ATP8B4: variants seen among roughly 807,000 people sequenced by gnomAD.
ATP8B4 encodes probable phospholipid-transporting ATPase IM.
In ATP8B4, 133 loss-of-function variants were observed where a neutral mutation model predicts 145.6. That is an observed-to-expected ratio of 0.91 (90% CI 0.79 to 1.05). ATP8B4 has a LOEUF of 1.05. ATP8B4 is among the 50% of genes least tolerant of loss of function. ATP8B4 has a pLI of 0.00. For synonymous variants in ATP8B4, 507 were observed against 492.9 expected (o/e 1.03, Z -0.38); for missense variants, 1,458 against 1,425.2 (o/e 1.02, Z -0.37).
In ATP8B4 at chr15:50,044,673, G is replaced by A; in HGVS notation, c.221C>T (p.Ser74Phe). The A allele has an allele frequency of 6.2e-7, 1 of 1,613,022 alleles. No homozygotes were observed. The highest frequency in any genetic ancestry group is 8.5e-7 in the Non-Finnish European group (1 of 1,179,310). Reference sequence around the variant, plus strand: ...CACAATGGTGGTAAACCAGGTCAAGGAGGAAATTTCTGGAATTAGCTGAAA... The same window carrying A: ...CACAATGGTGGTAAACCAGGTCAAGAAGGAAATTTCTGGAATTAGCTGAAA... ...LILQLIPEIS[S>F]LTWFTTIVPL... The change falls in exon 5 of 28, where the codon TCC becomes TTC. Residue 74 changes from serine to phenylalanine, a missense_variant. Ser to Phe is a radical substitution (Grantham distance 155). Transcript: ENST00000284509.
At chr15:49,955,456 A>G (rs1599406462) in intron 14 of ATP8B4, among the ~76,000 whole-genome samples, 1 of 152,366 alleles carries the variant, frequency 6.6e-6, no homozygotes, top group East Asian at 1.9e-4. Flanking sequence ...TGTAGTCACT[A>G]TAGAAAACAG....
chr15:50,082,917 A>G (rs2054646415), intron 2 of ATP8B4, among the ~76,000 whole-genome samples: 1 of 152,232 alleles, frequency 6.6e-6, no homozygotes, highest in Non-Finnish European at 1.5e-5. Flanking sequence ...CGGTAAAGTC[A>G]GAATGCAAAC....
At chr15:50,174,861 A>T (rs925376077) in intron 1 of ATP8B4, among the ~76,000 whole-genome samples, 1 of 152,158 alleles carries the variant, frequency 6.6e-6, no homozygotes, top group Non-Finnish European at 1.5e-5. Context: ...AAAAGAACAA[A>T]TCTGGAGGCA....
At chr15:49,954,104 G>A (rs2043342250) in intron 14 of ATP8B4, among the ~76,000 whole-genome samples, 1 of 152,120 alleles carries the variant, frequency 6.6e-6, no homozygotes, top group Admixed American at 6.5e-5. Flanking sequence ...GAATGTCACT[G>A]CTACTAGTCA....
In ATP8B4 at chr15:50,043,947, G is replaced by A. The variant is rs1363905356; in HGVS notation, c.300+647C>T. Among the ~76,000 whole-genome samples, 384 of 139,742 alleles carry A rather than the reference G, an allele frequency of 2.7e-3. 6 individuals carry two copies. Among genetic ancestry groups the A allele is most frequent in the African/African-American group, 0.01 (373 of 36,936 alleles). The allele number at this position is 139,742 out of a possible 152,430, so 91.7% of individuals were successfully genotyped here. A position where few individuals can be genotyped will look rare whatever the true frequency, so the allele number is the denominator to read the frequency against. On this transcript the variant is annotated intron_variant, in intron 5 of 27. Transcript: ENST00000284509. ...CGCAGTCCGGCCTGGGCGACAGAGCGAGACTCCGTTTCAAAAAAAAAAAAA... is the reference window on the plus strand; with the variant it reads ...CGCAGTCCGGCCTGGGCGACAGAGCAAGACTCCGTTTCAAAAAAAAAAAAA...
intron 3 of ATP8B4, among the ~76,000 whole-genome samples, chr15:50,054,810 C>CAAAAAAAA (rs1393999490): frequency 1.3e-4 from 10 of 75,180 alleles, no homozygotes; most frequent in African/African-American, 2.2e-4. Flanking sequence ...AAAAAAAAAA[C>CAAAAAAAA]AAAAAAAAAA....
At chr15:50,152,739 A>G (rs76054900) in intron 1 of ATP8B4, among the ~76,000 whole-genome samples, 1 of 152,242 alleles carries the variant, frequency 6.6e-6, no homozygotes, top group South Asian at 2.1e-4. Context: ...GCGATAATCA[A>G]AAGATTTCAA....
chr15:50,026,322 C>T (rs1356667908), intron 6 of ATP8B4, among the ~76,000 whole-genome samples: 2 of 152,200 alleles, frequency 1.3e-5, no homozygotes, highest in East Asian at 3.8e-4. Context: ...GGTACTCAAA[C>T]TTCAATGTAC....
chr15:49,916,756 C>T (rs2039780120), intron 20 of ATP8B4, among the ~76,000 whole-genome samples, 178 bp downstream of exon 20: 1 of 152,188 alleles, frequency 6.6e-6, no homozygotes, highest in African/African-American at 2.4e-5. Flanking sequence ...CTGATATCAG[C>T]TTCATCTCAG....
At chr15:50,077,493 TAG>T (rs1173047793) in intron 2 of ATP8B4, among the ~76,000 whole-genome samples, 1 of 152,042 alleles carries the variant, frequency 6.6e-6, no homozygotes, top group African/African-American at 2.4e-5. Context: ...CCAAAAGAAT[TAG>T]AGAGTGATCT....
intron 3 of ATP8B4, among the ~76,000 whole-genome samples, chr15:50,073,162 T>A (rs540076959): frequency 6.6e-6 from 1 of 151,160 alleles, no homozygotes; most frequent in African/African-American, 2.4e-5. Context: ...GGTATACACG[T>A]GCCATGGTGG....
chr15:50,102,757 C>G (rs947781488), intron 2 of ATP8B4, among the ~76,000 whole-genome samples: 4 of 149,844 alleles, frequency 2.7e-5, no homozygotes, highest in African/African-American at 9.8e-5. Context: ...CCAGTATCAC[C>G]CTAATACCAA....
chr15:49,984,556 C>A lies in ATP8B4; in HGVS notation c.748+2835G>T, dbSNP rs929300825. Among the ~76,000 whole-genome samples the A allele has an allele frequency of 3.3e-5, 5 of 152,130 alleles. No homozygotes were observed. In the South Asian group the frequency reaches 1.0e-3, roughly 32 times the overall value. ...GGAAAGAGGTGACAGGAATTTGCAG[C>A]CCTTAGAGTAAGAGTGGCCTTCTGT... On this transcript the variant is annotated intron_variant, in intron 10 of 27. Coordinates refer to ENST00000284509, the MANE Select transcript of ATP8B4 (RefSeq NM_024837.4).
chr15:50,087,391 ACATATCATATATT>A (rs2055284190), intron 2 of ATP8B4, among the ~76,000 whole-genome samples: 1 of 144,742 alleles, frequency 6.9e-6, no homozygotes, highest in Non-Finnish European at 1.5e-5. Context: ...TATATATTAT[ACATATCATATATT>A]TATTATATAT....
chr15:50,076,985 A>G (rs1337543593), intron 2 of ATP8B4, among the ~76,000 whole-genome samples: 1 of 152,234 alleles, frequency 6.6e-6, no homozygotes, highest in Non-Finnish European at 1.5e-5. Flanking sequence ...AAGGACGCTG[A>G]AAACAAATCC....
At chr15:50,002,470 T>C (rs912560358) in intron 7 of ATP8B4, among the ~76,000 whole-genome samples, 7 of 152,166 alleles carry the variant, frequency 4.6e-5, no homozygotes, top group Non-Finnish European at 7.4e-5. Context: ...TATGAATTAA[T>C]AGCCACTTGA....
chr15:50,148,025 C>T (rs2044301498), intron 1 of ATP8B4, among the ~76,000 whole-genome samples: 1 of 152,178 alleles, frequency 6.6e-6, no homozygotes, highest in Admixed American at 6.5e-5. Flanking sequence ...AGCATTTCTA[C>T]TAAGTGATCC....
At chr15:49,892,753 T>C (rs1162623178) in intron 23 of ATP8B4, among the ~76,000 whole-genome samples, 1 of 152,208 alleles carries the variant, frequency 6.6e-6, no homozygotes, top group African/African-American at 2.4e-5. Flanking sequence ...TAAAGCACAA[T>C]TGATTGTAAG....
chr15:49,917,028 T>G lies in ATP8B4; in HGVS notation c.2047A>C (p.Asn683His). 1 of 1,613,944 alleles carries G rather than the reference T, an allele frequency of 6.2e-7. No homozygotes were observed. The highest frequency in any genetic ancestry group is 8.5e-7 in the Non-Finnish European group (1 of 1,179,862). The change falls in exon 20 of 28, where the codon AAC becomes CAC. Residue 683 changes from asparagine to histidine, a missense_variant. Physicochemically the swap from Asn to His is moderately conservative, Grantham distance 68 (BLOSUM62 1). Coordinates refer to ENST00000284509, the MANE Select transcript of ATP8B4 (RefSeq NM_024837.4). ...LTGDKQETAI[N>H]IGYACNMLTD... ...AGCATGTTGCAGGCATAACCGATGTTGATGGCAGTTTCTAACACAAAATAA... is the reference window on the plus strand; with the variant it reads ...AGCATGTTGCAGGCATAACCGATGTGGATGGCAGTTTCTAACACAAAATAA...
Sources: allele counts gnomAD v4.1 joint callset (sites outside exome capture counted in the v4.1 genomes callset), GRCh38; gene constraint gnomAD v4.1.1; transcripts MANE v1.5; gene names NCBI Gene and HGNC (gene_info 2026-07-23, HGNC 2026-07-21).